Variants in ITGA11 observed in about 807,000 individuals in gnomAD.
ITGA11 encodes the protein integrin subunit alpha 11, also known as integrin alpha-11.
Under a neutral mutation model 141.9 loss-of-function variants are expected in ITGA11, and 97 were observed. That is an observed-to-expected ratio of 0.68 (90% CI 0.58 to 0.81). The LOEUF is 0.81. ITGA11 is among the 30% of genes least tolerant of loss of function. The pLI is 0.00. For synonymous variants in ITGA11, 658 were observed against 624.6 expected, an observed-to-expected ratio of 1.05 and a Z score of -0.80; for missense variants, 1,387 against 1,559.2, an observed-to-expected ratio of 0.89 and a Z score of 1.86.
intron 3 of ITGA11, chr15:68,365,198 C>T (rs1895380026): frequency 2.0e-6 from 2 of 985,312 alleles, no homozygotes; most frequent in African/African-American, 1.7e-5. Flanking sequence ...TCCAAGTTGA[C>T]CCCCATCCAC....
rs933796681 is a variant in ITGA11 at position 68,324,145 on chromosome 15, G to A, written c.2322+986C>T. On this transcript the variant is annotated intron_variant, in intron 18 of 29. Coordinates refer to ENST00000315757, the MANE Select transcript of ITGA11 (RefSeq NM_001004439.2). This position sits in a 1 kb window ranked among gnomAD's most constrained non-coding sequence, Gnocchi z 6.3. The stretch of plus-strand genomic sequence containing the variant: ...GCTCAGACTTAGGAGAAAGAGGGGA[G>A]GTGTGAGGACGGAGGTTTGGCAGGG... Among the ~76,000 whole-genome samples, 1 of 152,096 alleles carries A rather than the reference G, an allele frequency of 6.6e-6. No individual in the cohort carries two copies. The highest frequency in any genetic ancestry group is 2.4e-5 in the African/African-American group (1 of 41,416).
intron 20 of ITGA11, 66 bp downstream of exon 20, chr15:68,320,119 C>T: frequency 1.4e-6 from 2 of 1,386,798 alleles, no homozygotes; most frequent in South Asian, 1.2e-5. Context: ...TAGCCAGGAG[C>T]CCACCTGGCC....
chr15:68,384,342 C>G (rs764994171), intron 2 of ITGA11, among the ~76,000 whole-genome samples: 3 of 151,836 alleles, frequency 2.0e-5, no homozygotes, highest in African/African-American at 7.3e-5. Context: ...ATGCAAGGAA[C>G]CTTAGGAGCT....
chr15:68,364,194 T>C (rs577734496), intron 4 of ITGA11, among the ~76,000 whole-genome samples: 1 of 152,334 alleles, frequency 6.6e-6, no homozygotes, highest in Non-Finnish European at 1.5e-5. Flanking sequence ...TCCTGGATAG[T>C]TGAGACGGCT....
intron 1 of ITGA11, among the ~76,000 whole-genome samples, chr15:68,426,457 C>T (rs1897145410): frequency 6.6e-6 from 1 of 151,974 alleles, no homozygotes; most frequent in South Asian, 2.1e-4. Flanking sequence ...GGGCCCTGAG[C>T]TGGGTGGGGA....
rs777950935 is a variant in ITGA11 at position 68,311,024 on chromosome 15, C to T, written c.3144G>A (p.Val1048=). ...GNSTEYRPTP[V]EEDLRRAPQL... The stretch of plus-strand genomic sequence containing the variant: ...GTGGAGCACGACGCAAGTCTTCCTC[C>T]ACTGGGGTGGGCCGGTACTCAGTGC... The change falls in exon 26 of 30, where the codon GTG becomes GTA. Residue 1048 remains valine (V), a synonymous_variant. Transcript: ENST00000315757. The T allele has an allele frequency of 5.0e-6, 8 of 1,606,656 alleles. No individual in the cohort carries two copies. Among genetic ancestry groups the T allele is most frequent in the Non-Finnish European group, 6.8e-6 (8 of 1,176,528 alleles).
chr15:68,365,380 G>C (rs1335342581), intron 3 of ITGA11: 2 of 979,104 alleles, frequency 2.0e-6, no homozygotes, highest in Admixed American at 6.1e-5. Flanking sequence ...AGGCTGCCAA[G>C]AGAGGTGCTT....
In ITGA11 at chr15:68,308,565, C is replaced by A. The variant is rs926810602; in HGVS notation, c.3175-869G>T. On this transcript the variant is annotated intron_variant, in intron 26 of 29. Coordinates refer to ENST00000315757, the MANE Select transcript of ITGA11 (RefSeq NM_001004439.2). This position sits in a 1 kb window ranked among gnomAD's most constrained non-coding sequence, Gnocchi z 5.2. ...GACCATCCTGGCTAACACAGTGAAA[C>A]CCCGTCTCTATTAAAAAAATACAAA... Among the ~76,000 whole-genome samples, 21 of 152,068 alleles carry A rather than the reference C, an allele frequency of 1.4e-4. No individual in the cohort carries two copies. The highest frequency in any genetic ancestry group is 2.8e-4 in the Non-Finnish European group (19 of 68,010).
rs1262712869 is a variant in ITGA11, at chr15:68,303,341, G to A, written c.3496-211C>T. Among the ~76,000 whole-genome samples the A allele has an allele frequency of 2.0e-5, 3 of 152,158 alleles. No individual in the cohort carries two copies. Among genetic ancestry groups the A allele is most frequent in the African/African-American group, 7.2e-5 (3 of 41,428 alleles). On this transcript the variant is annotated intron_variant, in intron 29 of 29. Coordinates refer to ENST00000315757, the MANE Select transcript of ITGA11 (RefSeq NM_001004439.2). The surrounding 1 kb of genome is among the most constrained non-coding windows in gnomAD (Gnocchi z 5.3). ...GGGCTGCATGCAAGAAGTCATACTA[G>A]TGCCCATCTTGCTGTGTGACCAGCC... is the stretch of plus-strand genomic sequence containing the variant.
intron 1 of ITGA11, among the ~76,000 whole-genome samples, chr15:68,403,698 G>C (rs11630750): frequency 1.3e-5 from 2 of 151,312 alleles, no homozygotes; most frequent in African/African-American, 2.4e-5. Context: ...ACAGTGGCTC[G>C]GTCTTGGCTC....
intron 2 of ITGA11, among the ~76,000 whole-genome samples, chr15:68,375,225 T>C (rs958548658): frequency 6.6e-6 from 1 of 152,214 alleles, no homozygotes; most frequent in Admixed American, 6.5e-5. Flanking sequence ...TAAACCCACA[T>C]GGTCCCTTTG....
chr15:68,320,331 A>T lies in ITGA11; in HGVS notation c.2470T>A (p.Phe824Ile). Residue 824 changes from phenylalanine to isoleucine, a missense_variant, in exon 20 of 30, where the codon TTC (phenylalanine) becomes ATC (isoleucine). Coordinates refer to ENST00000315757, the MANE Select transcript of ITGA11 (RefSeq NM_001004439.2). ...TCTATGATGAAGACTGTGGTGTCGA[A>T]GGACAGCGTGTATGCGGAGCAGTCC... The part of the protein sequence containing the change: ...AQDCSAYTLS[F>I]DTTVFIIEST... The T allele has an allele frequency of 6.2e-7, 1 of 1,613,376 alleles. No individual in the cohort carries two copies. The highest frequency in any genetic ancestry group is 8.5e-7 in the Non-Finnish European group (1 of 1,179,590).
intron 22 of ITGA11, among the ~76,000 whole-genome samples, chr15:68,314,932 A>G (rs1893520150): frequency 6.6e-6 from 1 of 152,170 alleles, no homozygotes; most frequent in Non-Finnish European, 1.5e-5. Flanking sequence ...AAGGCTCCAG[A>G]GTGGACACAA....
At chr15:68,341,496 A>C (rs377718406) in intron 10 of ITGA11, among the ~76,000 whole-genome samples, 3 of 152,252 alleles carry the variant, frequency 2.0e-5, no homozygotes, top group East Asian at 3.8e-4. Context: ...AAGGTCACAC[A>C]GCAAGTCAGA....
chr15:68,364,414 C>A (rs1895349141), intron 4 of ITGA11, among the ~76,000 whole-genome samples: 1 of 152,206 alleles, frequency 6.6e-6, no homozygotes, highest in Admixed American at 6.5e-5. Flanking sequence ...ATTCTTGTCC[C>A]CTTTCTGGCT....
chr15:68,350,433 G>A lies in ITGA11; in HGVS notation c.1060+184C>T, dbSNP rs74428866. 5.3e-5 allele frequency among the ~76,000 whole-genome samples: 8 copies of A among 152,014 alleles called. No homozygotes were observed. The East Asian group carries it at 1.3e-3, about 26-fold the overall frequency. On this transcript the variant is annotated intron_variant, in intron 9 of 29. Transcript: ENST00000315757. ...TTGAACTCCTGAACTGAAGCAATTC[G>A]CTCACCTTGGCCTCCCAAAGTGCTG...
intron 3 of ITGA11, chr15:68,365,132 C>T (rs1190085957): frequency 2.0e-6 from 2 of 985,176 alleles, no homozygotes; most frequent in Non-Finnish European, 2.4e-6. Flanking sequence ...CCCAAGCATG[C>T]CATGGCATCC....
chr15:68,349,031 G>T (rs1244435532), intron 9 of ITGA11, 131 bp from the exon 10 acceptor site: 2 of 706,060 alleles, frequency 2.8e-6, no homozygotes, highest in Non-Finnish European at 2.4e-6. Context: ...TCGAGGGGGG[G>T]CTCTGAAGCT....
At chr15:68,406,679 TC>T (rs1896657626) in intron 1 of ITGA11, among the ~76,000 whole-genome samples, 1 of 152,212 alleles carries the variant, frequency 6.6e-6, no homozygotes, top group South Asian at 2.1e-4. Context: ...CTCTGCTGTG[TC>T]CTCACTGCTC....
Sources: gnomAD v4.1 joint callset for allele counts (sites outside exome capture counted in the v4.1 genomes callset) on GRCh38, gnomAD v4.1.1 for gene constraint, Gnocchi (gnomAD v3.1) non-coding constraint, MANE v1.5 for transcripts, NCBI Gene and HGNC (gene_info 2026-07-23, HGNC 2026-07-21) for gene names.